Variants in ZBED5 observed in about 807,000 individuals in gnomAD.
ZBED5 encodes the protein zinc finger BED-type containing 5.
ZBED5 carries 29 observed loss-of-function variants against 49.2 expected under a neutral mutation model. The observed-to-expected ratio is 0.59, with a 90% CI of 0.44 to 0.80. The LOEUF (loss-of-function observed/expected upper bound fraction) is 0.80. Ranked by LOEUF, ZBED5 falls within the 30% of genes least tolerant of loss-of-function variation. ZBED5 has a pLI of 0.00. For synonymous variants in ZBED5, 281 were observed against 292.5 expected, an observed-to-expected ratio of 0.96 and a Z score of 0.40; for missense variants, 775 against 812.9, an observed-to-expected ratio of 0.95 and a Z score of 0.57.
rs538804207 is a variant in ZBED5, at chr11:10,857,600, C to T, written c.-256+262G>A. On this transcript the variant is annotated intron_variant, in intron 1 of 2. Transcript: ENST00000413761. The surrounding 1 kb of genome is among the most constrained non-coding windows in gnomAD (Gnocchi z 6.3). ...CACGACTGGGGGGCTCCCTACCAGTCGCAGCCCACCCTCGCCTCAGGTCTT... is the reference window on the plus strand; with the variant it reads ...CACGACTGGGGGGCTCCCTACCAGTTGCAGCCCACCCTCGCCTCAGGTCTT... 2.2e-4 allele frequency: 34 copies of T among 152,474 alleles called. No individual in the cohort carries two copies. Among genetic ancestry groups the T allele is most frequent in the African/African-American group, 7.9e-4 (33 of 41,594 alleles). The allele number at this position is 152,474 out of a possible 1,614,324, so 9.4% of individuals were successfully genotyped here.
Position 10,854,662 on chromosome 11 carries a change from T to A in ZBED5, c.284A>T (p.Asn95Ile). 2 of 1,551,394 alleles carry A rather than the reference T, an allele frequency of 1.3e-6. No individual in the cohort carries two copies. The highest frequency in any genetic ancestry group is 1.7e-6 in the Non-Finnish European group (2 of 1,146,888). ...GELSRVKFIS[N>I]SNKITFSKKP... is the part of the protein sequence containing the mutation. ...TTTACTAAATGTTATTTTGTTGGAA[T>A]TGGATATAAATTTGACCCTGGAAAG... The change falls in exon 3 of 3, where the codon AAT becomes ATT. Residue 95 changes from asparagine (N) to isoleucine (I), a missense_variant. Coordinates refer to ENST00000413761, the MANE Select transcript of ZBED5 (RefSeq NM_001143667.2). This position sits in a 1 kb window ranked among gnomAD's most constrained non-coding sequence, Gnocchi z 5.0.
rs1478559551 is a variant in ZBED5 at position 10,853,132 on chromosome 11, T to C, written c.1814A>G (p.Lys605Arg). 3 of 1,551,700 alleles carry C rather than the reference T, an allele frequency of 1.9e-6. No individual in the cohort carries two copies. The highest frequency in any genetic ancestry group is 2.6e-6 in the Non-Finnish European group (3 of 1,146,966). ...TAGTGAAAGTTCACTAAAATTTTGC[T>C]TCACTTGAGAATCAGATGTTAAATC... is the stretch of plus-strand genomic sequence containing the variant. The part of the protein sequence containing the change: ...LIDLTSDSQV[K>R]QNFSELSLND... The change falls in exon 3 of 3, where the codon AAG (lysine) becomes AGG (arginine). Residue 605 changes from lysine to arginine, a missense_variant. Coordinates refer to ENST00000413761, the MANE Select transcript of ZBED5 (RefSeq NM_001143667.2). The surrounding 1 kb of genome is among the most constrained non-coding windows in gnomAD (Gnocchi z 5.4).
At position 10,853,253 on chromosome 11, in the gene ZBED5, G is replaced by C. The variant is rs150592171; in HGVS notation, c.1693C>G (p.Pro565Ala). 3.9e-6 allele frequency: 6 copies of C among 1,551,440 alleles called. No homozygotes were observed. Among genetic ancestry groups the C allele is most frequent in the South Asian group, 1.2e-5 (1 of 84,042 alleles). ...GLRATLLKYF[P>A]VTNDNNAWVR... is the part of the protein sequence containing the mutation. ...CAAGCATTATTGTCATTTGTTACAG[G>C]AAAGTATTTTAACAGAGTAGCGCGC... The change falls in exon 3 of 3, where the codon CCT (proline) becomes GCT (alanine). Residue 565 changes from proline to alanine, a missense_variant. Physicochemically the swap from Pro to Ala is conservative, Grantham distance 27 (BLOSUM62 -1). Coordinates refer to ENST00000413761, the MANE Select transcript of ZBED5 (RefSeq NM_001143667.2). The surrounding 1 kb of genome is among the most constrained non-coding windows in gnomAD (Gnocchi z 5.4).
chr11:10,853,608 T>C lies in ZBED5; in HGVS notation c.1338A>G (p.Glu446=). The C allele has an allele frequency of 6.4e-7, 1 of 1,551,310 alleles. No individual in the cohort carries two copies. Among genetic ancestry groups the C allele is most frequent in the South Asian group, 1.2e-5 (1 of 83,996 alleles). ...TGAAAACCAAAAGTTCACGACGAAG[T>C]TCAAAAAGTCTTACAAGAACTTTAC... ...SRGKVLVRLF[E]LRRELLVFMD... is the part of the protein sequence containing the mutation. Residue 446 remains glutamate (E), a synonymous_variant, in exon 3 of 3, where the codon GAA becomes GAG. Transcript: ENST00000413761. The surrounding 1 kb of genome is among the most constrained non-coding windows in gnomAD (Gnocchi z 5.4).
rs986126785 is a variant in ZBED5 at position 10,853,373 on chromosome 11, C to T, written c.1573G>A (p.Asp525Asn). The T allele has an allele frequency of 6.4e-7, 1 of 1,551,096 alleles. No homozygotes were observed. Among genetic ancestry groups the T allele is most frequent in the African/African-American group, 1.4e-5 (1 of 73,124 alleles). ...WASSVEEENFDCFPTLSDFLT... is the reference protein window; with the variant it reads ...WASSVEEENFNCFPTLSDFLT... ...AAATCACTGAGTGTAGGAAAACAAT[C>T]AAAGTTTTCTTCTTCTACAGATGAG... is the stretch of plus-strand genomic sequence containing the variant. Residue 525 changes from aspartate (D) to asparagine (N), a missense_variant, in exon 3 of 3, where the codon GAT becomes AAT. Asp to Asn is a conservative substitution (Grantham distance 23, BLOSUM62 1). Transcript: ENST00000413761. This position sits in a 1 kb window ranked among gnomAD's most constrained non-coding sequence, Gnocchi z 5.4.
rs1204565995 is a variant in ZBED5, at chr11:10,854,171, T to C, written c.775A>G (p.Ile259Val). Residue 259 changes from isoleucine to valine, a missense_variant, in exon 3 of 3, where the codon ATT (isoleucine) becomes GTT (valine). Coordinates refer to ENST00000413761, the MANE Select transcript of ZBED5 (RefSeq NM_001143667.2). This position sits in a 1 kb window ranked among gnomAD's most constrained non-coding sequence, Gnocchi z 5.0. ...AGTCTACAAACAAGCTCTTCTTCAA[T>C]GTCAGCAGCTAGATCCTTAATTCGA... ...ARRIKDLAADIEEELVCRLKI... is the reference protein window; with the variant it reads ...ARRIKDLAADVEEELVCRLKI... The C allele has an allele frequency of 2.6e-6, 4 of 1,551,122 alleles. No individual in the cohort carries two copies. The highest frequency in any genetic ancestry group is 1.2e-5 in the South Asian group (1 of 84,058).
At chr11:10,856,689 A>G (rs1809443468) in intron 1 of ZBED5, among the ~76,000 whole-genome samples, 1 of 152,216 alleles carries the variant, frequency 6.6e-6, no homozygotes, top group African/African-American at 2.4e-5. Flanking sequence ...TCAGGTAAAC[A>G]ATGTCTAATG....
chr11:10,854,433 A>C lies in ZBED5; in HGVS notation c.513T>G (p.His171Gln). The change falls in exon 3 of 3, where the codon CAT becomes CAG. Residue 171 changes from histidine to glutamine, a missense_variant. His to Gln is a conservative substitution (Grantham distance 24, BLOSUM62 0). Transcript: ENST00000413761. This position sits in a 1 kb window ranked among gnomAD's most constrained non-coding sequence, Gnocchi z 5.0. ...KDKDISFFKQ[H>Q]LDSPENNKPP... ...GTTTATTATTTTCAGGTGAATCGAG[A>C]TGTTGCTTGAAAAAGCTTATGTCTT... 2 of 1,551,394 alleles carry C rather than the reference A, an allele frequency of 1.3e-6. No individual in the cohort carries two copies. The highest frequency in any genetic ancestry group is 1.7e-6 in the Non-Finnish European group (2 of 1,146,894).
In ZBED5 at chr11:10,853,732, C is replaced by G; in HGVS notation, c.1214G>C (p.Arg405Pro). Residue 405 changes from arginine (R) to proline (P), a missense_variant, in exon 3 of 3, where the codon CGA becomes CCA. By Grantham distance (103) the Arg-to-Pro change is moderately radical. Coordinates refer to ENST00000413761, the MANE Select transcript of ZBED5 (RefSeq NM_001143667.2). This position sits in a 1 kb window ranked among gnomAD's most constrained non-coding sequence, Gnocchi z 5.4. ...TTTTAATAGTCTGGATTGATGTGGT[C>G]GAGCTTTAATATAATTGATGATTTG... ...AVQIINYIKA[R>P]PHQSRLLKIL... 1 of 1,551,520 alleles carries G rather than the reference C, an allele frequency of 6.4e-7. No homozygotes were observed. Among genetic ancestry groups the G allele is most frequent in the Non-Finnish European group, 8.7e-7 (1 of 1,146,914 alleles).
rs1554954358 is a variant in ZBED5, at chr11:10,857,581, T to TC, written c.-256+280_-256+281insG. 2.0e-5 allele frequency: 3 copies of TC among 152,240 alleles called. No individual in the cohort carries two copies. Among genetic ancestry groups the TC allele is most frequent in the African/African-American group, 7.2e-5 (3 of 41,432 alleles). The allele number at this position is 152,240 out of a possible 1,614,324, so 9.4% of individuals were successfully genotyped here. ...CGCGCTGCCCACAGATTGCCACGAC[T>TC]GGGGGGCTCCCTACCAGTCGCAGCC... On this transcript the variant is annotated intron_variant, in intron 1 of 2. Coordinates refer to ENST00000413761, the MANE Select transcript of ZBED5 (RefSeq NM_001143667.2). This position sits in a 1 kb window ranked among gnomAD's most constrained non-coding sequence, Gnocchi z 6.3.
Position 10,854,374 on chromosome 11 carries a change from T to G in ZBED5, c.572A>C (p.Glu191Ala). 1.9e-6 allele frequency: 3 copies of G among 1,551,064 alleles called. No homozygotes were observed. The South Asian group carries it at 3.6e-5, about 18-fold the overall frequency. ...PTPKIVNTDN[E>A]SATEASYNVS... ...ATTGTATGATGCTTCTGTAGCACTT[T>G]CATTATCTGTATTCACAATTTTAGG... Residue 191 changes from glutamate to alanine, a missense_variant, in exon 3 of 3, where the codon GAA becomes GCA. By Grantham distance (107) the Glu-to-Ala change is moderately radical. Transcript: ENST00000413761. This position sits in a 1 kb window ranked among gnomAD's most constrained non-coding sequence, Gnocchi z 5.0.
rs186755256 is a variant in ZBED5, at chr11:10,856,430, C to T, written c.-255-173G>A. Among the ~76,000 whole-genome samples the T allele has an allele frequency of 3.6e-3, 541 of 152,256 alleles. 3 individuals carry two copies. The highest frequency in any genetic ancestry group is 5.8e-3 in the Non-Finnish European group (396 of 68,018). ...ATAGTAAAAATTCTAACATTTTCAT[C>T]CTGTTCAATATCTTGGCAATTTAGA... On this transcript the variant is annotated intron_variant, in intron 1 of 2. Transcript: ENST00000413761.
chr11:10,853,568 G>A lies in ZBED5; in HGVS notation c.1378C>T (p.Arg460Ter), dbSNP rs1471053495. The change falls in exon 3 of 3, where the codon CGA becomes TGA. Residue 460 changes from arginine (R) to a stop codon, truncating the protein, a stop_gained. Transcript: ENST00000413761. LOFTEE classifies it high-confidence loss of function. This position sits in a 1 kb window ranked among gnomAD's most constrained non-coding sequence, Gnocchi z 5.4. The stretch of plus-strand genomic sequence containing the variant: ...GAATTTGTTAAACAATCAGATAGTC[G>A]AAAAGCAGAATCCATGAAAACCAAA... ...ELLVFMDSAF[R>*]LSDCLTNSSW... 8 of 1,550,092 alleles carry A rather than the reference G, an allele frequency of 5.2e-6. No individual in the cohort carries two copies. The highest frequency in any genetic ancestry group is 6.1e-6 in the Non-Finnish European group (7 of 1,146,282).
rs1848143404 is a variant in ZBED5 at position 10,854,042 on chromosome 11, C to T, written c.904G>A (p.Glu302Lys). ...FVRYRFNKSIEEDLLLCESLQ... is the reference protein window; with the variant it reads ...FVRYRFNKSIKEDLLLCESLQ... ...GATTCACACAGGAGTAGGTCTTCCT[C>T]AATAGACTTATTAAACCTATAACGA... The change falls in exon 3 of 3, where the codon GAG becomes AAG. Residue 302 changes from glutamate to lysine, a missense_variant. Transcript: ENST00000413761. This position sits in a 1 kb window ranked among gnomAD's most constrained non-coding sequence, Gnocchi z 5.0. The T allele has an allele frequency of 6.4e-7, 1 of 1,551,154 alleles. No homozygotes were observed. Among genetic ancestry groups the T allele is most frequent in the African/African-American group, 1.4e-5 (1 of 72,908 alleles).
Position 10,852,763 on chromosome 11 carries a change from A to T in ZBED5, c.*101T>A. 7.1e-7 allele frequency: 1 copy of T among 1,400,892 alleles called. No homozygotes were observed. The highest frequency in any genetic ancestry group is 1.7e-5 in the South Asian group (1 of 57,510). 86.8% of individuals were successfully genotyped at this position (1,400,892 alleles called of 1,614,324 possible). Reference sequence around the variant, plus strand: ...AAATCTAAATAGTATAAAAAAATGGAATCATTTTATTTAAATCCCCCAAAT... The same window carrying T: ...AAATCTAAATAGTATAAAAAAATGGTATCATTTTATTTAAATCCCCCAAAT... On this transcript the variant is annotated 3_prime_UTR_variant, in exon 3 of 3. Transcript: ENST00000413761.
Position 10,853,776 on chromosome 11 carries a change from A to AT in ZBED5, c.1169dup (p.Asn390LysfsTer14), listed in dbSNP as rs1481950539. 6.4e-7 allele frequency: 1 copy of AT among 1,551,596 alleles called. No homozygotes were observed. Among genetic ancestry groups the AT allele is most frequent in the Admixed American group, 2.0e-5 (1 of 50,996 alleles). On this transcript the variant is annotated frameshift_variant, in exon 3 of 3. Coordinates refer to ENST00000413761, the MANE Select transcript of ZBED5 (RefSeq NM_001143667.2). LOFTEE classifies it high-confidence loss of function. This position sits in a 1 kb window ranked among gnomAD's most constrained non-coding sequence, Gnocchi z 5.4. ...TGATTTGTACTGCCTGGTCTAGCACATTTTTTAGAGATGTAGGCATTATTT... is the reference window on the plus strand; with the variant it reads ...TGATTTGTACTGCCTGGTCTAGCACATTTTTTTAGAGATGTAGGCATTATTT...
rs1848132535 is a variant in ZBED5, at chr11:10,853,596, T to C, written c.1350A>G (p.Glu450=). 1.3e-6 allele frequency: 2 copies of C among 1,551,108 alleles called. No individual in the cohort carries two copies. The highest frequency in any genetic ancestry group is 1.7e-6 in the Non-Finnish European group (2 of 1,146,810). Residue 450 remains glutamate (E), a synonymous_variant, in exon 3 of 3, where the codon GAA becomes GAG. Coordinates refer to ENST00000413761, the MANE Select transcript of ZBED5 (RefSeq NM_001143667.2). This position sits in a 1 kb window ranked among gnomAD's most constrained non-coding sequence, Gnocchi z 5.4. ...AAGCAGAATCCATGAAAACCAAAAG[T>C]TCACGACGAAGTTCAAAAAGTCTTA... The part of the protein sequence containing the change: ...VLVRLFELRR[E]LLVFMDSAFR...
rs748700359 is a variant in ZBED5 at position 10,853,985 on chromosome 11, A to G, written c.961T>C (p.Phe321Leu). ...LQSNATGEEI[F>L]NCINSFMQKH... Reference sequence around the variant, plus strand: ...TGCATAAAACTGTTGATACAGTTGAATATTTCTTCACCGGTAGCATTACTT... The same window carrying G: ...TGCATAAAACTGTTGATACAGTTGAGTATTTCTTCACCGGTAGCATTACTT... The change falls in exon 3 of 3, where the codon TTC becomes CTC. Residue 321 changes from phenylalanine (F) to leucine (L), a missense_variant. By Grantham distance (22) the Phe-to-Leu change is conservative. Coordinates refer to ENST00000413761, the MANE Select transcript of ZBED5 (RefSeq NM_001143667.2). This position sits in a 1 kb window ranked among gnomAD's most constrained non-coding sequence, Gnocchi z 5.4. 3.0e-5 allele frequency: 47 copies of G among 1,551,488 alleles called. No individual in the cohort carries two copies. Among genetic ancestry groups the G allele is most frequent in the Non-Finnish European group, 4.0e-5 (46 of 1,146,952 alleles).
In ZBED5 at chr11:10,855,033, A is replaced by G; in HGVS notation, c.-88T>C. The G allele has an allele frequency of 6.9e-6, 10 of 1,455,312 alleles. No homozygotes were observed. Among genetic ancestry groups the G allele is most frequent in the Non-Finnish European group, 8.2e-6 (9 of 1,090,980 alleles). The allele number at this position is 1,455,312 out of a possible 1,614,324, so 90.1% of individuals were successfully genotyped here. On this transcript the variant is annotated 5_prime_UTR_variant, in exon 3 of 3. Coordinates refer to ENST00000413761, the MANE Select transcript of ZBED5 (RefSeq NM_001143667.2). This position sits in a 1 kb window ranked among gnomAD's most constrained non-coding sequence, Gnocchi z 4.1. ...CAGATGGAACATCATACGTTCATGT[A>G]TCAGGTGATCTCTCATGCGACTTCC...
Sources: allele counts gnomAD v4.1 joint callset (sites outside exome capture counted in the v4.1 genomes callset), GRCh38; gene constraint gnomAD v4.1.1; non-coding constraint Gnocchi (gnomAD v3.1); transcripts MANE v1.5; gene names NCBI Gene and HGNC (gene_info 2026-07-23, HGNC 2026-07-21).